The following UGT8 variants were observed in gnomAD, a reference collection of about 807,000 sequenced individuals.
UGT8 encodes the protein 2-hydroxyacylsphingosine 1-beta-galactosyltransferase.
A neutral mutation model predicts 40.5 loss-of-function variants in UGT8; 12 were observed. That is an observed-to-expected ratio of 0.30 (90% CI 0.19 to 0.48). The LOEUF (loss-of-function observed/expected upper bound fraction) is 0.48. UGT8 is among the 20% of genes least tolerant of loss of function. The pLI, the probability that UGT8 is intolerant of heterozygous loss-of-function variation, is 0.99. For missense variants in UGT8, 513 were observed against 648.7 expected, an observed-to-expected ratio of 0.79 and a Z score of 2.27; for synonymous variants, 224 against 240.4, an observed-to-expected ratio of 0.93 and a Z score of 0.63.
chr4:114,609,938 T>C (rs1302547319), intron 1 of UGT8, among the ~76,000 whole-genome samples: 7 of 152,160 alleles, frequency 4.6e-5, no homozygotes, highest in African/African-American at 1.7e-4. Context: ...TAACCTAATA[T>C]ATGCTAGAAA....
chr4:114,651,187 C>CTT (rs1467769724), intron 2 of UGT8, among the ~76,000 whole-genome samples: 1 of 151,950 alleles, frequency 6.6e-6, no homozygotes, highest in Non-Finnish European at 1.5e-5. Context: ...GGAAAAATTA[C>CTT]TTCCTCATTT....
intron 2 of UGT8, among the ~76,000 whole-genome samples, chr4:114,635,641 C>A (rs987297984): frequency 2.6e-4 from 40 of 152,240 alleles, no homozygotes; most frequent in African/African-American, 9.6e-4. Context: ...AAAAATGCTT[C>A]AAGCTTTTGC....
intron 1 of UGT8, among the ~76,000 whole-genome samples, chr4:114,605,660 A>G (rs1560663472): frequency 6.6e-6 from 1 of 152,150 alleles, no homozygotes; most frequent in Non-Finnish European, 1.5e-5. Flanking sequence ...ATTTTCTTCC[A>G]AGTGAAACAT....
At chr4:114,613,381 TTAAG>T (rs1164858928) in intron 1 of UGT8, among the ~76,000 whole-genome samples, 3 of 152,270 alleles carry the variant, frequency 2.0e-5, no homozygotes, top group East Asian at 1.9e-4. Flanking sequence ...ATTTAATTAA[TTAAG>T]TAATAATGGG....
chr4:114,629,284 A>ATTAT (rs1166415250), intron 2 of UGT8, among the ~76,000 whole-genome samples: 1 of 152,136 alleles, frequency 6.6e-6, no homozygotes, highest in Non-Finnish European at 1.5e-5. Context: ...GAGACTAATA[A>ATTAT]TTTCATTCCA....
intron 5 of UGT8, among the ~76,000 whole-genome samples, chr4:114,670,542 A>C (rs992710740): frequency 1.3e-5 from 2 of 152,116 alleles, no homozygotes; most frequent in Admixed American, 1.3e-4. Flanking sequence ...TCTATCACAT[A>C]AACAGAACCA....
intron 2 of UGT8, among the ~76,000 whole-genome samples, chr4:114,624,862 G>A (rs1732091627): frequency 6.6e-6 from 1 of 152,092 alleles, no homozygotes; most frequent in Non-Finnish European, 1.5e-5. Context: ...GCCACTGGAG[G>A]CCATGAGGGC....
chr4:114,623,395 C>A lies in UGT8; in HGVS notation c.515C>A (p.Ala172Asp). 2.4e-5 allele frequency: 38 copies of A among 1,614,170 alleles called. No individual in the cohort carries two copies. The highest frequency in any genetic ancestry group is 3.2e-5 in the Non-Finnish European group (38 of 1,180,026). The stretch of plus-strand genomic sequence containing the variant: ...TATCCTGCTGAAGTGGGTGCTCCTG[C>A]TCCATTAGCATACGTCCCAGAGTTT... Reference protein sequence around the residue: ...LWYPAEVGAPAPLAYVPEFNS... With the variant: ...LWYPAEVGAPDPLAYVPEFNS... Residue 172 changes from alanine (A) to aspartate (D), a missense_variant, in exon 2 of 6, where the codon GCT (alanine) becomes GAT (aspartate). Physicochemically the swap from Ala to Asp is moderately radical, Grantham distance 126. Around this residue, in one of 3 missense-constraint regions of UGT8, gnomAD observed 335 missense variants for 444.8 expected, o/e 0.75. Transcript: ENST00000310836.
At chr4:114,620,093 T>C (rs1314515815) in intron 1 of UGT8, among the ~76,000 whole-genome samples, 1 of 151,984 alleles carries the variant, frequency 6.6e-6, no homozygotes. Flanking sequence ...AAATAAAATA[T>C]TAAAATTAAA....
intron 5 of UGT8, 178 bp from the exon 6 acceptor site, chr4:114,675,738 TCAAAAAAAA>T (rs1735593564): frequency 1.3e-5 from 1 of 78,490 alleles, no homozygotes; most frequent in African/African-American, 3.6e-4. Context: ...AGACTCCGTC[TCAAAAAAAA>T]AAAAAAAAAA....
In UGT8 at chr4:114,623,480, C is replaced by T; in HGVS notation, c.600C>T (p.Tyr200=). 1 of 1,614,158 alleles carries T rather than the reference C, an allele frequency of 6.2e-7. No homozygotes were observed. The highest frequency in any genetic ancestry group is 1.1e-5 in the South Asian group (1 of 91,076). ...AAAGGATGAAAAATACCGGTGTTTA[C>T]CTCATTTCCAGATTAGGGGTCAGCT... ...LLQRMKNTGV[Y]LISRLGVSFL... Residue 200 remains tyrosine, a synonymous_variant, in exon 2 of 6, where the codon TAC becomes TAT. Transcript: ENST00000310836.
At chr4:114,659,894 T>C (rs1734412910) in intron 2 of UGT8, among the ~76,000 whole-genome samples, 1 of 152,164 alleles carries the variant, frequency 6.6e-6, no homozygotes, top group South Asian at 2.1e-4. Context: ...GGATAGATCA[T>C]TGGAACAGAA....
Position 114,623,070 on chromosome 4 carries a change from C to G in UGT8, c.190C>G (p.Pro64Ala). 1.9e-6 allele frequency: 3 copies of G among 1,614,102 alleles called. No homozygotes were observed. The highest frequency in any genetic ancestry group is 1.7e-6 in the Non-Finnish European group (2 of 1,180,016). The change falls in exon 2 of 6, where the codon CCA becomes GCA. Residue 64 changes from proline to alanine, a missense_variant. Pro to Ala is a conservative substitution (Grantham distance 27). Coordinates refer to ENST00000310836, the MANE Select transcript of UGT8 (RefSeq NM_001128174.3). Reference protein sequence around the residue: ...FLLSEGRDIAPSNHYSLQRYP... With the variant: ...FLLSEGRDIAASNHYSLQRYP... ...CCTCTCTGAAGGCAGAGACATCGCC[C>G]CATCTAATCATTACAGCCTCCAGCG... is the stretch of plus-strand genomic sequence containing the variant.
chr4:114,637,510 A>C (rs575388695), intron 2 of UGT8, among the ~76,000 whole-genome samples: 1 of 152,210 alleles, frequency 6.6e-6, no homozygotes, highest in South Asian at 2.1e-4. Context: ...ATGGAAAACC[A>C]AAGATCTAGA....
At chr4:114,623,864 A>G in intron 2 of UGT8, 162 bp downstream of exon 2, 2 of 560,770 alleles carry the variant, frequency 3.6e-6, no homozygotes, top group South Asian at 7.9e-5. Flanking sequence ...TGGGTCCACC[A>G]CTTCCCTGGG....
upstream of UGT8, chr4:114,598,698 G>A (rs1560657697): frequency 1.8e-5 from 2 of 112,652 alleles, no homozygotes; most frequent in African/African-American, 6.6e-5. Context: ...AGGGCGGGGC[G>A]CGGCTGGGGG....
intron 4 of UGT8, among the ~76,000 whole-genome samples, chr4:114,666,849 G>A (rs900648072): frequency 6.6e-6 from 1 of 151,974 alleles, no homozygotes; most frequent in Non-Finnish European, 1.5e-5. Context: ...TTCAAGATTA[G>A]TATCTTTTTT....
At chr4:114,603,764 A>T (rs1022597860) in intron 1 of UGT8, among the ~76,000 whole-genome samples, 1 of 152,142 alleles carries the variant, frequency 6.6e-6, no homozygotes, top group African/African-American at 2.4e-5. Context: ...TGAGGATCAG[A>T]TGAGATAAAA....
chr4:114,649,483 C>A (rs1314913559), intron 2 of UGT8, among the ~76,000 whole-genome samples: 1 of 152,178 alleles, frequency 6.6e-6, no homozygotes, highest in Non-Finnish European at 1.5e-5. Context: ...CTGAGATAAG[C>A]AGTCCAGGGT....
Sources: allele counts gnomAD v4.1 joint callset (sites outside exome capture counted in the v4.1 genomes callset), GRCh38; gene constraint gnomAD v4.1.1; regional missense constraint gnomAD v4.1.1; transcripts MANE v1.5; gene names NCBI Gene and HGNC (gene_info 2026-07-23, HGNC 2026-07-21).